Variants in LRRC7 observed in about 807,000 individuals in gnomAD.
LRRC7 encodes leucine-rich repeat-containing protein 7.
Under a neutral mutation model 175.7 loss-of-function variants are expected in LRRC7, and 23 were observed. The ratio of observed to expected loss-of-function variants is 0.13; its 90% CI spans 0.09 to 0.19. LRRC7 has a LOEUF of 0.19. Among genes scored for constraint, LRRC7 ranks in the 10% least tolerant of loss-of-function variants. LRRC7 has a pLI of 1.00. For synonymous variants in LRRC7, 685 were observed against 680.9 expected, an observed-to-expected ratio of 1.01 and a Z score of -0.09; for missense variants, 1,354 against 1,904.7, an observed-to-expected ratio of 0.71 and a Z score of 5.38.
At chr1:69,669,375 C>T (rs1412260781) in intron 1 of LRRC7, among the ~76,000 whole-genome samples, 1 of 152,134 alleles carries the variant, frequency 6.6e-6, no homozygotes, top group Non-Finnish European at 1.5e-5. Flanking sequence ...TCCTTCAGCA[C>T]TTTAGATATG....
chr1:69,930,490 T>G (rs567957885), intron 7 of LRRC7, among the ~76,000 whole-genome samples: 4 of 151,648 alleles, frequency 2.6e-5, no homozygotes, highest in Non-Finnish European at 4.4e-5. Flanking sequence ...AGTGGAGAGA[T>G]AAAAAAAAAT....
chr1:69,611,949 G>C (rs1648819403), intron 1 of LRRC7, among the ~76,000 whole-genome samples: 1 of 152,064 alleles, frequency 6.6e-6, no homozygotes, highest in African/African-American at 2.4e-5. Flanking sequence ...GACCACGGAA[G>C]TGTCACAAGC....
At chr1:69,977,641 T>C (rs1336924275) in intron 8 of LRRC7, among the ~76,000 whole-genome samples, 2 of 152,186 alleles carry the variant, frequency 1.3e-5, no homozygotes, top group Non-Finnish European at 2.9e-5. Flanking sequence ...ATATAAATAG[T>C]TCTAGACATT....
At chr1:69,588,985 C>CTGTG (rs138325158) in intron 1 of LRRC7, among the ~76,000 whole-genome samples, 1,752 of 131,142 alleles carry the variant, frequency 0.013, 31 homozygotes, top group African/African-American at 0.039. Flanking sequence ...CTGCTGGGGT[C>CTGTG]TGTGTGTGTG....
At chr1:69,824,069 G>T (rs1483921864) in intron 4 of LRRC7, among the ~76,000 whole-genome samples, 1 of 152,124 alleles carries the variant, frequency 6.6e-6, no homozygotes, top group African/African-American at 2.4e-5. Flanking sequence ...TTCAGTAGAA[G>T]ATAAAGAGAC....
chr1:69,869,449 A>G (rs1332322401), intron 7 of LRRC7, among the ~76,000 whole-genome samples: 1 of 152,096 alleles, frequency 6.6e-6, no homozygotes, highest in Non-Finnish European at 1.5e-5. Context: ...TCAGAGAGGA[A>G]ATGATGAATT....
At chr1:69,707,333 T>G (rs1034344113) in intron 2 of LRRC7, among the ~76,000 whole-genome samples, 1 of 152,144 alleles carries the variant, frequency 6.6e-6, no homozygotes. Context: ...GAAGAATAAA[T>G]AGCCAACCCT....
At position 69,904,181 on chromosome 1, in the gene LRRC7, T is replaced by C. The variant is rs558397382; in HGVS notation, c.648-27326T>C. Among the ~76,000 whole-genome samples, 21 of 152,280 alleles carry C rather than the reference T, an allele frequency of 1.4e-4. No individual in the cohort carries two copies. The South Asian group carries it at 2.5e-3, about 18-fold the overall frequency. On this transcript the variant is annotated intron_variant, in intron 7 of 26. Transcript: ENST00000651989. Reference sequence around the variant, plus strand: ...GAATAATCTCTAGGAATATCTTACATAGAAGGAATAACTGTGTGGAGTCAT... The same window carrying C: ...GAATAATCTCTAGGAATATCTTACACAGAAGGAATAACTGTGTGGAGTCAT...
intron 7 of LRRC7, among the ~76,000 whole-genome samples, chr1:69,839,490 A>C (rs185709006): frequency 7.4e-4 from 112 of 152,236 alleles, no homozygotes; most frequent in African/African-American, 2.5e-3. Context: ...GGGCATAAAC[A>C]GGTTGAAATA....
Position 70,035,670 on chromosome 1 carries a change from T to TTTCCTC in LRRC7, c.1996-448_1996-443dup, listed in dbSNP as rs112605381. On this transcript the variant is annotated intron_variant, in intron 18 of 26. Transcript: ENST00000651989. ...AAATCTTAATTGGTCAGTGATATAC[T>TTTCCTC]TTCCTCTTAAAACTCTTAGAGTTAA... is the stretch of plus-strand genomic sequence containing the variant. Among the ~76,000 whole-genome samples, 665 of 151,508 alleles carry TTTCCTC rather than the reference T, an allele frequency of 4.4e-3. 7 individuals carry two copies. Among genetic ancestry groups the TTTCCTC allele is most frequent in the African/African-American group, 0.015 (639 of 41,258 alleles).
chr1:70,020,926 C>A, intron 15 of LRRC7, 79 bp from the exon 16 acceptor site: 1 of 1,195,298 alleles, frequency 8.4e-7, no homozygotes, highest in South Asian at 2.1e-5. Context: ...TATCTATCAC[C>A]ATTTTTGCAT....
intron 2 of LRRC7, among the ~76,000 whole-genome samples, chr1:69,744,910 G>C (rs1553149952): frequency 6.6e-6 from 1 of 151,790 alleles, no homozygotes; most frequent in Non-Finnish European, 1.5e-5. Context: ...AATTCCATTA[G>C]TCTTCAACAT....
intron 25 of LRRC7, among the ~76,000 whole-genome samples, chr1:70,091,409 A>G (rs1036280708): frequency 6.6e-5 from 10 of 152,114 alleles, no homozygotes; most frequent in Non-Finnish European, 8.8e-5. Flanking sequence ...AATTCTTTCA[A>G]TGAAAAGTCA....
At chr1:69,661,906 C>T (rs1657529400) in intron 1 of LRRC7, among the ~76,000 whole-genome samples, 1 of 152,148 alleles carries the variant, frequency 6.6e-6, no homozygotes, top group South Asian at 2.1e-4. Flanking sequence ...TACATTCCCT[C>T]CACACACATT....
intron 1 of LRRC7, among the ~76,000 whole-genome samples, chr1:69,571,925 G>T (rs1273149071): frequency 6.6e-6 from 1 of 151,890 alleles, no homozygotes; most frequent in African/African-American, 2.4e-5. Context: ...ATATGCTGTT[G>T]AACACAGTAG....
chr1:69,935,555 T>C (rs1647918376), intron 8 of LRRC7, among the ~76,000 whole-genome samples: 1 of 152,182 alleles, frequency 6.6e-6, no homozygotes, highest in African/African-American at 2.4e-5. Context: ...TAAATTAAGT[T>C]GTCTATCCCT....
At chr1:70,020,942 A>G (rs1657426236) in intron 15 of LRRC7, 63 bp from the exon 16 acceptor site, 1 of 1,458,344 alleles carries the variant, frequency 6.9e-7, no homozygotes, top group Non-Finnish European at 9.3e-7. Context: ...TGCATACTAT[A>G]TTAAATACTT....
At chr1:69,670,333 T>TTTGCA (rs1335480422) in intron 1 of LRRC7, among the ~76,000 whole-genome samples, 20 of 152,294 alleles carry the variant, frequency 1.3e-4, no homozygotes, top group Admixed American at 3.3e-4. Flanking sequence ...AACATAGAGG[T>TTTGCA]ACTACCTTAG....
intron 4 of LRRC7, among the ~76,000 whole-genome samples, chr1:69,796,809 A>C (rs574633114): frequency 6.6e-6 from 1 of 152,048 alleles, no homozygotes; most frequent in African/African-American, 2.4e-5. Context: ...AAAAAACAAA[A>C]AACAACAACA....
Sources: gnomAD v4.1 joint callset for allele counts (sites outside exome capture counted in the v4.1 genomes callset) on GRCh38, gnomAD v4.1.1 for gene constraint, MANE v1.5 for transcripts, NCBI Gene and HGNC (gene_info 2026-07-23, HGNC 2026-07-21) for gene names.